ANO4: variants seen among roughly 807,000 people sequenced by gnomAD.
ANO4 encodes anoctamin-4.
In ANO4, 69 loss-of-function variants were observed where a neutral mutation model predicts 141.9. That is an observed-to-expected ratio of 0.49 (90% confidence interval 0.40 to 0.59). The LOEUF (loss-of-function observed/expected upper bound fraction) is 0.59. Among genes scored for constraint, ANO4 ranks in the 20% least tolerant of loss-of-function variants. The pLI is 0.00. For missense variants in ANO4, 894 were observed against 1,162.2 expected (o/e 0.77, Z 3.36); for synonymous variants, 350 against 394.3 (o/e 0.89, Z 1.33).
intron 9 of ANO4, among the ~76,000 whole-genome samples, chr12:101,029,932 A>AT (rs2046907320): frequency 7.7e-6 from 1 of 129,282 alleles, no homozygotes. Flanking sequence ...AGAGCTAACT[A>AT]TTCTAAATTT....
chr12:100,799,733 C>T (rs1244677084), intron 1 of ANO4, among the ~76,000 whole-genome samples: 1 of 152,102 alleles, frequency 6.6e-6, no homozygotes, highest in Non-Finnish European at 1.5e-5. Flanking sequence ...GAGCAAGACT[C>T]CGTCTCAAAA....
chr12:100,947,337 C>T (rs1042655763), intron 5 of ANO4, among the ~76,000 whole-genome samples: 10 of 152,094 alleles, frequency 6.6e-5, no homozygotes, highest in African/African-American at 2.2e-4. Flanking sequence ...TCTCCCATTG[C>T]ATGGACTCAC....
chr12:100,793,876 A>G (rs12308477), upstream of ANO4, among the ~76,000 whole-genome samples: 1 of 152,202 alleles, frequency 6.6e-6, no homozygotes, highest in Non-Finnish European at 1.5e-5. Context: ...AGAGTCCTCC[A>G]CGCATCCTTC....
At chr12:100,806,606 G>A (rs560869324) in intron 1 of ANO4, among the ~76,000 whole-genome samples, 10 of 127,716 alleles carry the variant, frequency 7.8e-5, no homozygotes, top group East Asian at 2.5e-4. Context: ...GTGCCGTGGC[G>A]TGATCTCGGC....
chr12:101,094,157 A>G, intron 17 of ANO4, 99 bp from the exon 18 acceptor site: 1 of 953,728 alleles, frequency 1.0e-6, no homozygotes, highest in Non-Finnish European at 1.6e-6. Flanking sequence ...GCTTAATGAA[A>G]TTATTTTGAC....
chr12:101,075,379 T>C (rs1043465457), intron 14 of ANO4, among the ~76,000 whole-genome samples: 3 of 152,060 alleles, frequency 2.0e-5, no homozygotes, highest in Non-Finnish European at 2.9e-5. Context: ...AGACACCTGG[T>C]TGGATCTGGA....
At chr12:100,750,892 A>G (rs1647589933) in intron 3 of ANO4, among the ~76,000 whole-genome samples, 1 of 152,184 alleles carries the variant, frequency 6.6e-6, no homozygotes, top group South Asian at 2.1e-4. Context: ...AGAGATGTGC[A>G]TGCAAGAAGT....
chr12:101,097,353 C>T (rs574243418), intron 19 of ANO4, among the ~76,000 whole-genome samples: 19 of 152,222 alleles, frequency 1.2e-4, no homozygotes, highest in African/African-American at 4.1e-4. Context: ...AGGAGTAAAA[C>T]TTCTGCTTAC....
intron 1 of ANO4, among the ~76,000 whole-genome samples, chr12:100,885,038 C>T (rs1034577418): frequency 6.6e-6 from 1 of 152,190 alleles, no homozygotes; most frequent in African/African-American, 2.4e-5. Context: ...TCCCTAGACT[C>T]ATGGTCCCTC....
intron 1 of ANO4, among the ~76,000 whole-genome samples, chr12:100,897,993 A>G (rs1362423826): frequency 6.6e-6 from 1 of 152,252 alleles, no homozygotes; most frequent in Non-Finnish European, 1.5e-5. Context: ...TATTGAATCC[A>G]TTAGACTGCA....
intron 3 of ANO4, among the ~76,000 whole-genome samples, chr12:100,762,258 A>G (rs138741623): frequency 3.9e-5 from 6 of 152,306 alleles, no homozygotes; most frequent in African/African-American, 1.4e-4. Context: ...TGCTCAGCAT[A>G]TGGAGGTGAA....
chr12:100,806,526 T>TTC (rs2035052003), intron 1 of ANO4, among the ~76,000 whole-genome samples: 1 of 26,256 alleles, frequency 3.8e-5, no homozygotes, highest in African/African-American at 2.7e-4. Flanking sequence ...TTTGTTTCGT[T>TTC]TTTTTTTTTT....
intron 5 of ANO4, among the ~76,000 whole-genome samples, chr12:100,944,221 A>C (rs1289592778): frequency 1.3e-5 from 2 of 152,152 alleles, no homozygotes; most frequent in Admixed American, 6.5e-5. Flanking sequence ...CTAAAGCATC[A>C]CCTGTACTGC....
chr12:100,927,285 C>T lies in ANO4; in HGVS notation c.160+4955C>T, dbSNP rs2041914023. ...GTCCACGAAGCCGGTGGAATGGGAACTTGCAGATAGATTTAGTTTGATGCA... is the reference window on the plus strand; with the variant it reads ...GTCCACGAAGCCGGTGGAATGGGAATTTGCAGATAGATTTAGTTTGATGCA... On this transcript the variant is annotated intron_variant, in intron 3 of 27. Transcript: ENST00000392977. Among the ~76,000 whole-genome samples the T allele has an allele frequency of 2.0e-5, 3 of 152,032 alleles. No individual in the cohort carries two copies. The South Asian group carries it at 6.2e-4, about 32-fold the overall frequency.
At chr12:100,734,406 CCTT>C (rs1280428491) in intron 2 of ANO4, among the ~76,000 whole-genome samples, 15 of 152,148 alleles carry the variant, frequency 9.9e-5, no homozygotes, top group Admixed American at 5.9e-4. Flanking sequence ...TTGGTTGAAT[CCTT>C]CTTCTCCTTT....
At chr12:100,922,080 T>C in intron 2 of ANO4, 146 bp from the exon 3 acceptor site, 1 of 470,286 alleles carries the variant, frequency 2.1e-6, no homozygotes, top group Non-Finnish European at 3.4e-6. Context: ...TTTTTTTTTT[T>C]CTTAAGTCCT....
intron 8 of ANO4, among the ~76,000 whole-genome samples, chr12:100,996,835 A>G (rs928036855): frequency 2.6e-5 from 4 of 152,238 alleles, no homozygotes; most frequent in African/African-American, 9.6e-5. Flanking sequence ...TAAAGCCAGT[A>G]GTGATCAGCC....
rs542351105 is a variant in ANO4, at chr12:100,742,670, T to C, written c.358+2565T>C. Among the ~76,000 whole-genome samples the C allele has an allele frequency of 2.6e-5, 4 of 152,312 alleles. No individual in the cohort carries two copies. The South Asian group carries it at 6.2e-4, about 24-fold the overall frequency. On this transcript the variant is annotated intron_variant, in intron 3 of 29. Transcript: ENST00000644049. ...GTTTAAGAATTTCCCAAACACATTA[T>C]AAAATCATTTTTCCATTTTATAAAT... is the stretch of plus-strand genomic sequence containing the variant.
chr12:100,875,182 A>G (rs2135938861), intron 1 of ANO4, among the ~76,000 whole-genome samples: 1 of 152,208 alleles, frequency 6.6e-6, no homozygotes, highest in Admixed American at 6.5e-5. Context: ...TCGAATTGTA[A>G]TCCTCAGTGT....
Sources: gnomAD v4.1 joint callset for allele counts (sites outside exome capture counted in the v4.1 genomes callset) on GRCh38, gnomAD v4.1.1 for gene constraint, MANE v1.5 for transcripts, NCBI Gene and HGNC (gene_info 2026-07-23, HGNC 2026-07-21) for gene names.